The following SKI variants were observed in gnomAD, a reference collection of about 807,000 sequenced individuals.
SKI encodes ski oncogene.
SKI carries 23 observed loss-of-function variants against 59.3 expected under a neutral mutation model. That is an observed-to-expected ratio of 0.39 (90% confidence interval 0.28 to 0.55). The LOEUF (loss-of-function observed/expected upper bound fraction) is 0.55. Among genes scored for constraint, SKI ranks in the 20% least tolerant of loss-of-function variants. The pLI is 0.67. For missense variants in SKI, 1,017 were observed against 1,038.9 expected, an observed-to-expected ratio of 0.98 and a Z score of 0.29; for synonymous variants, 673 against 488.6, an observed-to-expected ratio of 1.38 and a Z score of -4.98.
chr1:2,228,817 G>A lies in SKI; in HGVS notation c.51G>A (p.Leu17=), dbSNP rs763997001. The A allele has an allele frequency of 1.5e-5, 20 of 1,376,030 alleles. No individual in the cohort carries two copies. Among genetic ancestry groups the A allele is most frequent in the Non-Finnish European group, 1.6e-5 (17 of 1,055,168 alleles). 85.2% of individuals were successfully genotyped at this position (1,376,030 alleles called of 1,614,324 possible). ...GRGCFQPHPG[L]QKTLEQFHLS... Reference sequence around the variant, plus strand: ...GCTGTTTCCAGCCGCACCCGGGGCTGCAGAAGACGCTGGAGCAGTTCCACC... The same window carrying A: ...GCTGTTTCCAGCCGCACCCGGGGCTACAGAAGACGCTGGAGCAGTTCCACC... The change falls in exon 1 of 7, where the codon CTG becomes CTA. Residue 17 remains leucine (L), a synonymous_variant. Coordinates refer to ENST00000378536, the MANE Select transcript of SKI (RefSeq NM_003036.4).
At position 2,303,373 on chromosome 1, in the gene SKI, C is replaced by T; in HGVS notation, c.1184C>T (p.Pro395Leu). 1.2e-6 allele frequency: 2 copies of T among 1,613,536 alleles called. No homozygotes were observed. Among genetic ancestry groups the T allele is most frequent in the African/African-American group, 1.3e-5 (1 of 75,064 alleles). Residue 395 changes from proline to leucine, a missense_variant, in exon 3 of 7, where the codon CCA (proline) becomes CTA (leucine). Transcript: ENST00000378536. The surrounding 1 kb of genome is among the most constrained non-coding windows in gnomAD (Gnocchi z 5.6). ...AVSASEKELSPHLPALIRDSF... is the reference protein window; with the variant it reads ...AVSASEKELSLHLPALIRDSF... ...TCAGCGAGTGAGAAAGAGCTCTCCCCACACCTCCCGGCCCTCATCCGAGAC... is the reference window on the plus strand; with the variant it reads ...TCAGCGAGTGAGAAAGAGCTCTCCCTACACCTCCCGGCCCTCATCCGAGAC...
chr1:2,287,679 C>T lies in SKI; in HGVS notation c.970-15299C>T, dbSNP rs145160585. 1.1e-3 allele frequency among the ~76,000 whole-genome samples: 167 copies of T among 152,126 alleles called. 1 individual carries two copies. In the Middle Eastern group the frequency reaches 0.027, roughly 25 times the overall value. ...GGGTCTGCCGCAGGGGGGGTGTGGA[C>T]GGGTCTTGCATGCGTCACCTTCCCT... On this transcript the variant is annotated intron_variant, in intron 1 of 6. Transcript: ENST00000378536.
intron 1 of SKI, among the ~76,000 whole-genome samples, chr1:2,255,717 C>G (rs963128185): frequency 5.3e-5 from 8 of 151,238 alleles, no homozygotes; most frequent in Admixed American, 4.6e-4. Context: ...CTGGAACATG[C>G]TGTATCCTGA....
intron 1 of SKI, among the ~76,000 whole-genome samples, chr1:2,244,216 G>A (rs1638942225): frequency 1.3e-5 from 2 of 151,894 alleles, no homozygotes; most frequent in South Asian, 2.1e-4. Context: ...CGCCTGCCTC[G>A]GCCTCCCAAA....
intron 1 of SKI, among the ~76,000 whole-genome samples, chr1:2,230,342 G>C (rs924263101): frequency 1.9e-4 from 29 of 152,300 alleles, no homozygotes; most frequent in Admixed American, 3.9e-4. Context: ...TCAGTGGCAG[G>C]GGCCCGAGAC....
chr1:2,243,454 C>T (rs934878519), intron 1 of SKI, among the ~76,000 whole-genome samples: 5 of 152,184 alleles, frequency 3.3e-5, no homozygotes, highest in Admixed American at 6.5e-5. Context: ...TGCTGGTCTG[C>T]GCGTGTGCTC....
At chr1:2,300,861 C>G (rs1640407172) in intron 1 of SKI, among the ~76,000 whole-genome samples, 1 of 152,162 alleles carries the variant, frequency 6.6e-6, no homozygotes, top group South Asian at 2.1e-4. Context: ...CCTCGGCCAC[C>G]CCCCACTGAG....
Position 2,270,916 on chromosome 1 carries a change from G to A in SKI, c.970-32062G>A, listed in dbSNP as rs1432761363. 6.6e-6 allele frequency among the ~76,000 whole-genome samples: 1 copy of A among 152,222 alleles called. No homozygotes were observed. Among genetic ancestry groups the A allele is most frequent in the Non-Finnish European group, 1.5e-5 (1 of 68,026 alleles). On this transcript the variant is annotated intron_variant, in intron 1 of 6. Transcript: ENST00000378536. The surrounding 1 kb of genome is among the most constrained non-coding windows in gnomAD (Gnocchi z 4.1). ...TCCCGGGCCACCCCAGGCTGGACCA[G>A]CTGCCCATGTCACCAGGCCAGGCGC...
At chr1:2,263,176 C>T (rs1000645170) in intron 1 of SKI, among the ~76,000 whole-genome samples, 16 of 151,432 alleles carry the variant, frequency 1.1e-4, no homozygotes, top group Non-Finnish European at 2.1e-4. Flanking sequence ...GCTGGGATTA[C>T]AGGCATGTGC....
Position 2,306,770 on chromosome 1 carries a change from C to A in SKI, c.*5C>A. On this transcript the variant is annotated 3_prime_UTR_variant, in exon 7 of 7. Transcript: ENST00000378536. ...GCTGCGGAGCTGGAGCCGTAGATTC[C>A]GTGCCTGCCGCCGCAGCGCCGCCGA... 2.0e-6 allele frequency: 3 copies of A among 1,501,982 alleles called. No individual in the cohort carries two copies. Among genetic ancestry groups the A allele is most frequent in the Non-Finnish European group, 2.7e-6 (3 of 1,129,720 alleles). 93.0% of individuals were successfully genotyped at this position (1,501,982 alleles called of 1,614,324 possible).
intron 1 of SKI, among the ~76,000 whole-genome samples, chr1:2,264,417 C>T (rs377709591): frequency 3.9e-5 from 6 of 152,014 alleles, no homozygotes; most frequent in South Asian, 2.1e-4. Flanking sequence ...TACAGGCACC[C>T]GCCACCACAC....
intron 4 of SKI, 43 bp from the exon 5 acceptor site, chr1:2,304,250 G>A (rs767021800): frequency 2.8e-5 from 44 of 1,551,960 alleles, no homozygotes; most frequent in Non-Finnish European, 3.8e-5. Context: ...TGGAGCTGCC[G>A]GGCACTTCCA....
At chr1:2,262,251 C>T (rs1639403918) in intron 1 of SKI, among the ~76,000 whole-genome samples, 1 of 148,898 alleles carries the variant, frequency 6.7e-6, no homozygotes, top group African/African-American at 2.5e-5. Context: ...CGCCCTCGCT[C>T]CTGATCTCCT....
At chr1:2,231,136 G>C in intron 1 of SKI, among the ~76,000 whole-genome samples, 1 of 152,168 alleles carries the variant, frequency 6.6e-6, no homozygotes, top group Non-Finnish European at 1.5e-5. Flanking sequence ...GGTTGGGGTG[G>C]GCCCGATGGC....
intron 1 of SKI, among the ~76,000 whole-genome samples, chr1:2,282,489 A>G (rs1639914561): frequency 7.7e-6 from 1 of 129,592 alleles, no homozygotes; most frequent in Admixed American, 7.5e-5. Flanking sequence ...GGTGGTGGAG[A>G]TCTTCAGAGA....
Position 2,229,644 on chromosome 1 carries a change from G to C in SKI, c.878G>C (p.Gly293Ala), listed in dbSNP as rs756571135. 2.5e-6 allele frequency: 4 copies of C among 1,612,000 alleles called. No homozygotes were observed. The highest frequency in any genetic ancestry group is 1.3e-5 in the African/African-American group (1 of 74,940). ...AYILLSQDYT[G>A]KEEQARLGRC... Reference sequence around the variant, plus strand: ...ATCCTGCTGAGCCAGGATTACACGGGCAAGGAGGAGCAGGCGCGCCTCGGC... The same window carrying C: ...ATCCTGCTGAGCCAGGATTACACGGCCAAGGAGGAGCAGGCGCGCCTCGGC... The change falls in exon 1 of 7, where the codon GGC (glycine) becomes GCC (alanine). Residue 293 changes from glycine (G) to alanine (A), a missense_variant. By Grantham distance (60) the Gly-to-Ala change is moderately conservative. Transcript: ENST00000378536. This position sits in a 1 kb window ranked among gnomAD's most constrained non-coding sequence, Gnocchi z 6.3.
rs1416915944 is a variant in SKI at position 2,301,865 on chromosome 1, T to C, written c.970-1113T>C. On this transcript the variant is annotated intron_variant, in intron 1 of 6. Transcript: ENST00000378536. ...GAAGGGCCCCTTGCCCTGTGTGGCCTGTTCTGCATTGGCCTGTGGTGTAGA... is the reference window on the plus strand; with the variant it reads ...GAAGGGCCCCTTGCCCTGTGTGGCCCGTTCTGCATTGGCCTGTGGTGTAGA... Among the ~76,000 whole-genome samples the C allele has an allele frequency of 2.0e-5, 3 of 152,358 alleles. No individual in the cohort carries two copies. In the East Asian group the frequency reaches 5.8e-4, roughly 29 times the overall value.
intron 1 of SKI, among the ~76,000 whole-genome samples, chr1:2,233,615 T>C (rs1480637905): frequency 2.0e-5 from 3 of 152,160 alleles, no homozygotes; most frequent in African/African-American, 7.2e-5. Context: ...TCATGCTGGC[T>C]TTTGACCCGT....
At position 2,303,441 on chromosome 1, in the gene SKI, A is replaced by T. The variant is rs1207538359; in HGVS notation, c.1211+41A>T. The T allele has an allele frequency of 6.5e-7, 1 of 1,531,112 alleles. No individual in the cohort carries two copies. The highest frequency in any genetic ancestry group is 2.3e-5 in the East Asian group (1 of 44,340). The allele number at this position is 1,531,112 out of a possible 1,614,324, so 94.8% of individuals were successfully genotyped here. A position where few individuals can be genotyped will look rare whatever the true frequency, so the allele number is the denominator to read the frequency against. On this transcript the variant is annotated intron_variant, in intron 3 of 6. Transcript: ENST00000378536. The surrounding 1 kb of genome is among the most constrained non-coding windows in gnomAD (Gnocchi z 5.6). ...TCACAGGTGTTTCTGATCACGGGGGAGGCTCCACGAGGGCTGTGCATGCGG... is the reference window on the plus strand; with the variant it reads ...TCACAGGTGTTTCTGATCACGGGGGTGGCTCCACGAGGGCTGTGCATGCGG...
Sources: gnomAD v4.1 joint callset for allele counts (sites outside exome capture counted in the v4.1 genomes callset) on GRCh38, gnomAD v4.1.1 for gene constraint, Gnocchi (gnomAD v3.1) non-coding constraint, MANE v1.5 for transcripts, NCBI Gene and HGNC (gene_info 2026-07-23, HGNC 2026-07-21) for gene names.